The following FAM184B variants were observed in gnomAD, a reference collection of about 807,000 sequenced individuals.
FAM184B encodes the protein family with sequence similarity 184 member B.
In FAM184B, 111 loss-of-function variants were observed where a neutral mutation model predicts 135.9. That is an observed-to-expected ratio of 0.82 (90% confidence interval 0.70 to 0.96). The LOEUF is 0.96. Among genes scored for constraint, FAM184B ranks in the 40% least tolerant of loss-of-function variants. The probability of loss-of-function intolerance (pLI) is 0.00; values close to 1 mark genes in which losing one functional copy is unlikely to be tolerated. For missense variants in FAM184B, 1,375 were observed against 1,323.9 expected, an observed-to-expected ratio of 1.04 and a Z score of -0.60; for synonymous variants, 552 against 524.8, an observed-to-expected ratio of 1.05 and a Z score of -0.71.
At chr4:17,694,733 G>A (rs1293441065) in intron 5 of FAM184B, among the ~76,000 whole-genome samples, 1 of 152,148 alleles carries the variant, frequency 6.6e-6, no homozygotes, top group Admixed American at 6.5e-5. Flanking sequence ...GAGATAAAAG[G>A]GAGAATTCCT....
Position 17,630,153 on chromosome 4 carries a change from A to AAAGT in FAM184B, c.*2375_*2378dup, listed in dbSNP as rs1714880684. Reference sequence around the variant, plus strand: ...ATGCTGAGTTTAAGGACAGAAATGCAAAGTGCAGCCTGGGAAAGTGTTTCA... The same window carrying AAAGT: ...ATGCTGAGTTTAAGGACAGAAATGCAAAGTAAGTGCAGCCTGGGAAAGTGTTTCA... On this transcript the variant is annotated 3_prime_UTR_variant, in exon 18 of 18. Coordinates refer to ENST00000265018, the MANE Select transcript of FAM184B (RefSeq NM_015688.2). 1 of 152,210 alleles carries AAAGT rather than the reference A, an allele frequency of 6.6e-6. No homozygotes were observed. Among genetic ancestry groups the AAAGT allele is most frequent in the Non-Finnish European group, 1.5e-5 (1 of 68,026 alleles). 9.4% of individuals were successfully genotyped at this position (152,210 alleles called of 1,614,324 possible). A position where few individuals can be genotyped will look rare whatever the true frequency, so the allele number is the denominator to read the frequency against.
At chr4:17,636,769 G>T in intron 14 of FAM184B, 124 bp from the exon 15 acceptor site, 3 of 781,954 alleles carry the variant, frequency 3.8e-6, no homozygotes, top group Non-Finnish European at 5.9e-6. Context: ...CCAGATAGCA[G>T]CAGCGGCTTG....
At chr4:17,737,553 A>T (rs1287234627) in intron 1 of FAM184B, among the ~76,000 whole-genome samples, 2 of 152,240 alleles carry the variant, frequency 1.3e-5, no homozygotes, top group Non-Finnish European at 2.9e-5. Context: ...ACATATTCAT[A>T]GAATTTTAAG....
intron 1 of FAM184B, among the ~76,000 whole-genome samples, chr4:17,778,045 TG>T (rs554156266): frequency 8.7e-4 from 131 of 151,436 alleles, no homozygotes; most frequent in African/African-American, 3.1e-3. Flanking sequence ...CACTCCAACC[TG>T]GGTGACGTAG....
chr4:17,774,697 T>A (rs893834597), intron 1 of FAM184B, among the ~76,000 whole-genome samples: 1 of 152,234 alleles, frequency 6.6e-6, no homozygotes, highest in Non-Finnish European at 1.5e-5. Context: ...TCTCTTCTCC[T>A]TATAAGATGG....
chr4:17,759,556 G>A (rs1718496476), intron 1 of FAM184B, among the ~76,000 whole-genome samples: 1 of 151,814 alleles, frequency 6.6e-6, no homozygotes, highest in Non-Finnish European at 1.5e-5. Flanking sequence ...AGGCTGGAGT[G>A]CAGTGGCTCA....
chr4:17,660,072 G>A lies in FAM184B; in HGVS notation c.1710C>T (p.Leu570=), dbSNP rs894155048. ...SDEEERTKVL[L]KEGSDPQPPL... The stretch of plus-strand genomic sequence containing the variant: ...GAGGTTGTGGGTCACTTCCCTCCTT[G>A]AGAAGCACTTTGGTCCTTTGAAGAT... The change falls in exon 9 of 18, where the codon CTC becomes CTT. Residue 570 remains leucine, a synonymous_variant. Transcript: ENST00000265018. The A allele has an allele frequency of 1.9e-6, 3 of 1,551,404 alleles. No individual in the cohort carries two copies. Among genetic ancestry groups the A allele is most frequent in the Non-Finnish European group, 2.6e-6 (3 of 1,146,966 alleles).
At chr4:17,639,667 A>G (rs186005072) in intron 13 of FAM184B, among the ~76,000 whole-genome samples, 170 of 152,148 alleles carry the variant, frequency 1.1e-3, no homozygotes, top group Non-Finnish European at 2.1e-3. Flanking sequence ...AGTGATGGAG[A>G]GCAGCCCTGC....
chr4:17,748,659 G>T (rs1382548367), intron 1 of FAM184B, among the ~76,000 whole-genome samples: 1 of 151,834 alleles, frequency 6.6e-6, no homozygotes, highest in Non-Finnish European at 1.5e-5. Flanking sequence ...TGGGTTCACA[G>T]ATTCGTACCA....
intron 5 of FAM184B, among the ~76,000 whole-genome samples, chr4:17,702,504 C>T (rs1457727703): frequency 1.3e-5 from 2 of 152,102 alleles, no homozygotes; most frequent in African/African-American, 4.8e-5. Context: ...ACACAGTATA[C>T]CTGCAGACAA....
In FAM184B at chr4:17,724,209, C is replaced by T. The variant is rs574442792; in HGVS notation, c.142-14565G>A. ...GGTCAAGAATACACCAAAACATGAC[C>T]GTGGTTATCTTTAGATGGTAAGATT... is the stretch of plus-strand genomic sequence containing the variant. On this transcript the variant is annotated intron_variant, in intron 1 of 17. Transcript: ENST00000265018. Among the ~76,000 whole-genome samples, 5 of 152,124 alleles carry T rather than the reference C, an allele frequency of 3.3e-5. No homozygotes were observed. The South Asian group carries it at 6.2e-4, about 19-fold the overall frequency.
At chr4:17,735,234 T>C (rs889496437) in intron 1 of FAM184B, among the ~76,000 whole-genome samples, 1 of 152,016 alleles carries the variant, frequency 6.6e-6, no homozygotes, top group Non-Finnish European at 1.5e-5. Context: ...TAATGCTAAA[T>C]GACGAGTTAA....
At chr4:17,640,233 G>T (rs1342194353) in intron 13 of FAM184B, among the ~76,000 whole-genome samples, 2 of 150,696 alleles carry the variant, frequency 1.3e-5, no homozygotes, top group African/African-American at 4.9e-5. Context: ...AGCACTTTGG[G>T]AGGCCAAGGC....
At chr4:17,696,845 T>G (rs1471108413) in intron 5 of FAM184B, among the ~76,000 whole-genome samples, 2 of 151,850 alleles carry the variant, frequency 1.3e-5, no homozygotes, top group Non-Finnish European at 2.9e-5. Flanking sequence ...AATAAATAAA[T>G]AAATAAATAA....
intron 1 of FAM184B, among the ~76,000 whole-genome samples, chr4:17,747,394 C>G (rs1006278333): frequency 9.2e-5 from 14 of 152,262 alleles, no homozygotes; most frequent in South Asian, 4.1e-4. Context: ...AGCTCCGTTT[C>G]TGGCACGGAC....
intron 16 of FAM184B, among the ~76,000 whole-genome samples, chr4:17,634,448 T>A (rs145271364): frequency 0.016 from 2,470 of 152,186 alleles, 79 homozygotes; most frequent in African/African-American, 0.056. Context: ...CTCGGCCTCC[T>A]GAGTAGCTGG....
chr4:17,649,392 G>A (rs1715547528), intron 11 of FAM184B, among the ~76,000 whole-genome samples: 1 of 152,094 alleles, frequency 6.6e-6, no homozygotes, highest in African/African-American at 2.4e-5. Context: ...AGACCATACT[G>A]GCTAACATGG....
At chr4:17,716,505 G>T (rs1717403879) in intron 1 of FAM184B, among the ~76,000 whole-genome samples, 1 of 152,018 alleles carries the variant, frequency 6.6e-6, no homozygotes, top group Non-Finnish European at 1.5e-5. Context: ...ACCATGCCTG[G>T]ATGATTATTT....
intron 11 of FAM184B, among the ~76,000 whole-genome samples, chr4:17,648,628 A>G (rs942902134): frequency 6.6e-6 from 1 of 152,004 alleles, no homozygotes; most frequent in African/African-American, 2.4e-5. Context: ...TGCTGGGATT[A>G]TAGCGCGTGA....
Sources: gnomAD v4.1 joint callset for allele counts (sites outside exome capture counted in the v4.1 genomes callset) on GRCh38, gnomAD v4.1.1 for gene constraint, MANE v1.5 for transcripts, NCBI Gene and HGNC (gene_info 2026-07-23, HGNC 2026-07-21) for gene names.